The following IFT80 variants were observed in gnomAD, a reference collection of about 807,000 sequenced individuals.
IFT80 encodes intraflagellar transport protein 80 homolog.
In IFT80, 79 loss-of-function variants were observed where a neutral mutation model predicts 107.9. The observed-to-expected ratio is 0.73, with a 90% CI of 0.61 to 0.88. IFT80 has a LOEUF of 0.88. Among genes scored for constraint, IFT80 ranks in the 40% least tolerant of loss-of-function variants. The pLI, the probability that IFT80 is intolerant of heterozygous loss-of-function variation, is 0.00. For missense variants in IFT80, 797 were observed against 914.2 expected (o/e 0.87, Z 1.65); for synonymous variants, 299 against 300.9 (o/e 0.99, Z 0.07).
intron 8 of IFT80, among the ~76,000 whole-genome samples, chr3:160,341,085 G>C (rs2108334049): frequency 6.6e-6 from 1 of 151,924 alleles, no homozygotes; most frequent in Non-Finnish European, 1.5e-5. Context: ...CACAATCATG[G>C]CTTACTGCAG....
chr3:160,338,055 T>C (rs1354800397), intron 8 of IFT80, among the ~76,000 whole-genome samples: 3 of 152,156 alleles, frequency 2.0e-5, no homozygotes, highest in East Asian at 1.9e-4. Flanking sequence ...ATCAAAACTT[T>C]TTATCTCTTG....
At chr3:160,334,138 G>A (rs1015592121) in intron 8 of IFT80, among the ~76,000 whole-genome samples, 3 of 152,092 alleles carry the variant, frequency 2.0e-5, no homozygotes, top group African/African-American at 7.2e-5. Context: ...TTTGAATAGT[G>A]ACTAGATACT....
chr3:160,374,612 T>C (rs1711847218), intron 5 of IFT80, among the ~76,000 whole-genome samples: 1 of 152,156 alleles, frequency 6.6e-6, no homozygotes, highest in South Asian at 2.1e-4. Context: ...ATTCTTGTAG[T>C]TCTTCCAAAA....
At chr3:160,388,476 A>G (rs542597803) in intron 1 of IFT80, among the ~76,000 whole-genome samples, 1 of 151,532 alleles carries the variant, frequency 6.6e-6, no homozygotes, top group South Asian at 2.1e-4. Context: ...ATATATACTA[A>G]GGAAAATACA....
chr3:160,285,098 G>A (rs1348813454), intron 13 of IFT80, among the ~76,000 whole-genome samples: 3 of 152,024 alleles, frequency 2.0e-5, no homozygotes, highest in East Asian at 3.9e-4. Flanking sequence ...TAGAACTTTG[G>A]GGGTCTGAGG....
intron 12 of IFT80, among the ~76,000 whole-genome samples, chr3:160,295,469 G>C (rs554136230): frequency 1.1e-4 from 17 of 152,038 alleles, no homozygotes; most frequent in Non-Finnish European, 2.4e-4. Flanking sequence ...ACTGGACATA[G>C]AGGTGCCTGC....
chr3:160,292,865 C>A (rs931902288), intron 12 of IFT80, among the ~76,000 whole-genome samples: 2 of 152,160 alleles, frequency 1.3e-5, no homozygotes, highest in East Asian at 3.8e-4. Flanking sequence ...ACCAGGGCTA[C>A]CACTACAAAT....
At chr3:160,260,154 G>A (rs1712699859) in intron 19 of IFT80, among the ~76,000 whole-genome samples, 1 of 151,996 alleles carries the variant, frequency 6.6e-6, no homozygotes, top group Non-Finnish European at 1.5e-5. Context: ...AAATAACAAT[G>A]CCATATACTT....
chr3:160,326,435 T>C (rs1453226113), intron 8 of IFT80, among the ~76,000 whole-genome samples: 1 of 152,116 alleles, frequency 6.6e-6, no homozygotes, highest in Non-Finnish European at 1.5e-5. Flanking sequence ...AACAAAATAC[T>C]GGCAAAGTGA....
chr3:160,319,669 TA>T, intron 9 of IFT80, 90 bp downstream of exon 9: 1 of 1,097,572 alleles, frequency 9.1e-7, no homozygotes, highest in Non-Finnish European at 1.4e-6. Flanking sequence ...TAAGCTTGAC[TA>T]AATATAATTA....
At chr3:160,316,239 T>C (rs115058382) in intron 9 of IFT80, among the ~76,000 whole-genome samples, 109 of 152,162 alleles carry the variant, frequency 7.2e-4, no homozygotes, top group African/African-American at 2.4e-3. Context: ...AGACCTCCAG[T>C]AAATAGTCAA....
intron 8 of IFT80, among the ~76,000 whole-genome samples, chr3:160,327,053 C>A (rs531547737): frequency 1.3e-5 from 2 of 152,194 alleles, no homozygotes; most frequent in African/African-American, 4.8e-5. Flanking sequence ...AGAGCCAAAT[C>A]ATGAATGAAC....
chr3:160,370,964 T>C (rs558118734), intron 5 of IFT80, among the ~76,000 whole-genome samples: 1 of 152,344 alleles, frequency 6.6e-6, no homozygotes, highest in East Asian at 1.9e-4. Context: ...AGTTTAACTT[T>C]ATTATTACTG....
intron 1 of IFT80, among the ~76,000 whole-genome samples, chr3:160,396,262 C>T (rs979031565): frequency 3.9e-5 from 6 of 152,060 alleles, no homozygotes; most frequent in Non-Finnish European, 8.8e-5. Context: ...GAGGAATATT[C>T]ACTTCTATCT....
intron 8 of IFT80, among the ~76,000 whole-genome samples, chr3:160,349,326 G>GTT (rs1035961698): frequency 2.0e-4 from 31 of 152,058 alleles, no homozygotes; most frequent in African/African-American, 7.5e-4. Flanking sequence ...GCAGGTGCCT[G>GTT]TAATCCCAGC....
intron 1 of IFT80, chr3:160,394,029 T>C (rs1308810439): frequency 6.6e-6 from 1 of 152,256 alleles, no homozygotes; most frequent in Non-Finnish European, 1.5e-5. Context: ...CCTGTGTCTC[T>C]TCTCCAATAG....
chr3:160,389,511 T>C (rs1409049661), intron 1 of IFT80, among the ~76,000 whole-genome samples: 2 of 119,224 alleles, frequency 1.7e-5, no homozygotes, highest in East Asian at 5.2e-4. Flanking sequence ...CCCCAGAGTG[T>C]GATGTTCCCC....
chr3:160,279,491 C>CA (rs774272889), intron 15 of IFT80, 127 bp from the exon 16 acceptor site: 10 of 729,812 alleles, frequency 1.4e-5, no homozygotes, highest in African/African-American at 3.5e-5. Context: ...GGCACACCCC[C>CA]AAAGGTTAAC....
intron 2 of IFT80, chr3:160,384,057 C>A: frequency 2.5e-6 from 1 of 403,152 alleles, no homozygotes; most frequent in Non-Finnish European, 3.4e-6. Context: ...CCAGCCTGGC[C>A]AACATGGTGA....
Sources: allele counts gnomAD v4.1 joint callset (sites outside exome capture counted in the v4.1 genomes callset), GRCh38; gene constraint gnomAD v4.1.1; transcripts MANE v1.5; gene names NCBI Gene and HGNC (gene_info 2026-07-23, HGNC 2026-07-21).